Variants in GALNT13 observed in about 807,000 individuals in gnomAD.
GALNT13 encodes UDP-GalNAc:polypeptide N-acetylgalactosaminyltransferase 13.
In GALNT13, 28 loss-of-function variants were observed where a neutral mutation model predicts 64.2. The ratio of observed to expected loss-of-function variants is 0.44; its 90% CI spans 0.32 to 0.60. The LOEUF is 0.60. Ranked by LOEUF, GALNT13 falls within the 20% of genes least tolerant of loss-of-function variation. The pLI is 0.05. For synonymous variants in GALNT13, 214 were observed against 224.6 expected, an observed-to-expected ratio of 0.95 and a Z score of 0.42; for missense variants, 577 against 669.8, an observed-to-expected ratio of 0.86 and a Z score of 1.53.
chr2:153,299,268 C>T, the GALNT13 span, among the ~76,000 whole-genome samples: 1 of 152,148 alleles, frequency 6.6e-6, no homozygotes, highest in Non-Finnish European at 1.5e-5. Flanking sequence ...TGTTTCAGAG[C>T]ACAGTCATCT....
At chr2:153,784,109 T>G in the GALNT13 span, among the ~76,000 whole-genome samples, 1 of 152,074 alleles carries the variant, frequency 6.6e-6, no homozygotes, top group East Asian at 1.9e-4. Flanking sequence ...GTGGGAAAGT[T>G]TTGAACTTCT....
At chr2:154,026,561 T>A (rs780306564) in intron 3 of GALNT13, among the ~76,000 whole-genome samples, 13 of 152,218 alleles carry the variant, frequency 8.5e-5, no homozygotes, top group African/African-American at 1.2e-4. Flanking sequence ...GGGCAGGTTC[T>A]GGTCAGAGTC....
intron 3 of GALNT13, among the ~76,000 whole-genome samples, chr2:154,034,459 G>A (rs182964118): frequency 5.0e-4 from 76 of 152,178 alleles, no homozygotes; most frequent in African/African-American, 1.8e-3. Context: ...ATAAATTTAA[G>A]GCATACAAGA....
intron 4 of GALNT13, among the ~76,000 whole-genome samples, chr2:154,200,638 C>T (rs1239299970): frequency 6.6e-6 from 1 of 152,138 alleles, no homozygotes; most frequent in Non-Finnish European, 1.5e-5. Flanking sequence ...CCTCACATGG[C>T]AGAAGGTAGA....
At chr2:153,155,113 A>T in the GALNT13 span, among the ~76,000 whole-genome samples, 1 of 152,188 alleles carries the variant, frequency 6.6e-6, no homozygotes, top group African/African-American at 2.4e-5. Flanking sequence ...TTGATGCATT[A>T]CTGGGTTCAG....
In GALNT13 at chr2:154,109,562, G is replaced by T. The variant is rs144958040; in HGVS notation, c.143-30775G>T. On this transcript the variant is annotated intron_variant, in intron 3 of 12. Coordinates refer to ENST00000392825, the MANE Select transcript of GALNT13 (RefSeq NM_052917.4). The stretch of plus-strand genomic sequence containing the variant: ...TTATTGTCTTGTTCCAGATCTCAGA[G>T]GAAGGACTTCAATTATTCACCATTG... 4.2e-3 allele frequency among the ~76,000 whole-genome samples: 645 copies of T among 152,030 alleles called. 3 individuals are homozygous for T. The highest frequency in any genetic ancestry group is 0.015 in the African/African-American group (628 of 41,460).
At chr2:153,206,650 G>A in the GALNT13 span, among the ~76,000 whole-genome samples, 4 of 151,944 alleles carry the variant, frequency 2.6e-5, no homozygotes, top group African/African-American at 9.7e-5. Flanking sequence ...GATTAGAAAG[G>A]ACAAGGAAAA....
the GALNT13 span, among the ~76,000 whole-genome samples, chr2:153,644,711 C>T: frequency 3.3e-5 from 5 of 151,976 alleles, no homozygotes; most frequent in Admixed American, 6.6e-5. Flanking sequence ...TCAGTCTTAT[C>T]GTAAATTCCT....
At chr2:153,203,110 C>T in the GALNT13 span, among the ~76,000 whole-genome samples, 1 of 152,192 alleles carries the variant, frequency 6.6e-6, no homozygotes, top group Non-Finnish European at 1.5e-5. Flanking sequence ...TACTTGTCTG[C>T]TTTCAAGAAG....
At chr2:154,444,467 A>G (rs933583800) in intron 12 of GALNT13, among the ~76,000 whole-genome samples, 8 of 152,130 alleles carry the variant, frequency 5.3e-5, no homozygotes, top group Admixed American at 4.6e-4. Flanking sequence ...TTTAGCAGCA[A>G]CATGTAATAT....
chr2:153,939,235 A>G lies in GALNT13; in HGVS notation c.-104-5159A>G, dbSNP rs557053643. On this transcript the variant is annotated intron_variant, in intron 2 of 12. Coordinates refer to ENST00000392825, the MANE Select transcript of GALNT13 (RefSeq NM_052917.4). Reference sequence around the variant, plus strand: ...AGGAAGATCTGAAGGAAACAAGAGCAGGGAGCCATGAACCTATGACTGGGC... The same window carrying G: ...AGGAAGATCTGAAGGAAACAAGAGCGGGGAGCCATGAACCTATGACTGGGC... Among the ~76,000 whole-genome samples, 5 of 152,300 alleles carry G rather than the reference A, an allele frequency of 3.3e-5. No individual in the cohort carries two copies. In the South Asian group the frequency reaches 1.0e-3, roughly 32 times the overall value.
the GALNT13 span, among the ~76,000 whole-genome samples, chr2:153,796,390 A>C: frequency 2.6e-5 from 4 of 152,216 alleles, no homozygotes; most frequent in South Asian, 8.3e-4. Context: ...TTATTTAATA[A>C]AATGTATTAT....
intron 3 of GALNT13, among the ~76,000 whole-genome samples, chr2:154,007,832 C>A (rs1233929961): frequency 1.3e-5 from 2 of 151,852 alleles, no homozygotes; most frequent in Admixed American, 1.3e-4. Context: ...ACATCAGGGA[C>A]AAAATTGTTT....
At chr2:153,072,342 A>G in the GALNT13 span, among the ~76,000 whole-genome samples, 1 of 152,118 alleles carries the variant, frequency 6.6e-6, no homozygotes, top group Non-Finnish European at 1.5e-5. Flanking sequence ...TCCCAAGAAA[A>G]AGGAGGGCCT....
the GALNT13 span, among the ~76,000 whole-genome samples, chr2:153,510,985 T>G: frequency 6.6e-6 from 1 of 151,794 alleles, no homozygotes; most frequent in East Asian, 2.0e-4. Flanking sequence ...GAGGTAAGGA[T>G]GAAAGACTGA....
At chr2:153,706,646 G>T in the GALNT13 span, among the ~76,000 whole-genome samples, 3 of 152,070 alleles carry the variant, frequency 2.0e-5, no homozygotes, top group Admixed American at 6.5e-5. Flanking sequence ...TACATTTCTG[G>T]ACATATATTT....
the GALNT13 span, among the ~76,000 whole-genome samples, chr2:153,843,542 T>A: frequency 3.2e-4 from 49 of 151,558 alleles, no homozygotes; most frequent in Admixed American, 9.2e-4. Context: ...TCCCTGCCCC[T>A]CCCCGCAAAT....
chr2:153,461,489 G>T, the GALNT13 span, among the ~76,000 whole-genome samples: 1 of 152,046 alleles, frequency 6.6e-6, no homozygotes, highest in Non-Finnish European at 1.5e-5. Flanking sequence ...CTAAAGATGA[G>T]TTTGAATATT....
intron 2 of GALNT13, among the ~76,000 whole-genome samples, chr2:153,915,135 A>T (rs148942700): frequency 0.01 from 1,546 of 152,288 alleles, 94 homozygotes; most frequent in Admixed American, 0.096. Flanking sequence ...GGCACAAGAA[A>T]GTTACCTGCC....
Sources: allele counts gnomAD v4.1 joint callset (sites outside exome capture counted in the v4.1 genomes callset), GRCh38; gene constraint gnomAD v4.1.1; transcripts MANE v1.5; gene names NCBI Gene and HGNC (gene_info 2026-07-23, HGNC 2026-07-21).